The following DLEC1 variants were observed in gnomAD, a reference collection of about 807,000 sequenced individuals.
DLEC1 encodes the protein DLEC1 cilia and flagella associated protein, also known as deleted in lung and esophageal cancer protein 1.
DLEC1 carries 146 observed loss-of-function variants against 198.1 expected under a neutral mutation model. That is an observed-to-expected ratio of 0.74 (90% CI 0.64 to 0.85). The LOEUF is 0.85. DLEC1 is among the 40% of genes least tolerant of loss of function. The pLI is 0.00. For missense variants in DLEC1, 2,233 were observed against 2,220.0 expected, an observed-to-expected ratio of 1.01 and a Z score of -0.12; for synonymous variants, 897 against 866.8, an observed-to-expected ratio of 1.03 and a Z score of -0.61.
At position 38,117,113 on chromosome 3, in the gene DLEC1, G is replaced by A. The variant is rs376700010; in HGVS notation, c.4305+13G>A. On this transcript the variant is annotated intron_variant, in intron 30 of 36. Coordinates refer to ENST00000308059, the MANE Select transcript of DLEC1 (RefSeq NM_007335.4). ...CTTGGACAGCAAGGTGAGCTCTTCC[G>A]GCCTGGGGTGGGGGCCGCAGCCACT... is the stretch of plus-strand genomic sequence containing the variant. 62 of 1,613,812 alleles carry A rather than the reference G, an allele frequency of 3.8e-5. No homozygotes were observed. The highest frequency in any genetic ancestry group is 1.7e-4 in the Admixed American group (10 of 59,996).
At chr3:38,093,295 C>G (rs1284674212) in intron 11 of DLEC1, among the ~76,000 whole-genome samples, 1 of 151,944 alleles carries the variant, frequency 6.6e-6, no homozygotes, top group East Asian at 1.9e-4. Flanking sequence ...GCCCCTCCCT[C>G]TCTTCCTCCC....
At chr3:38,095,414 G>A (rs1384110286) in intron 13 of DLEC1, 14 of 341,122 alleles carry the variant, frequency 4.1e-5, no homozygotes, top group Non-Finnish European at 6.7e-5. Flanking sequence ...GGGACCCGAG[G>A]GCCAGGTTAG....
At chr3:38,083,052 G>T (rs1174212500) in intron 6 of DLEC1, among the ~76,000 whole-genome samples, 1 of 151,822 alleles carries the variant, frequency 6.6e-6, no homozygotes, top group East Asian at 1.9e-4. Context: ...ATTGAAAGGA[G>T]AAAGAGGTTG....
In DLEC1 at chr3:38,112,950, A is replaced by G. The variant is rs1403008953; in HGVS notation, c.3666+589A>G. On this transcript the variant is annotated intron_variant, in intron 25 of 36. Transcript: ENST00000308059. This position sits in a 1 kb window ranked among gnomAD's most constrained non-coding sequence, Gnocchi z 4.8. ...TTAAGTTGTTAAATAGAAGATTTTC[A>G]TGAACTATTTAGTAAATTGAACAGA... is the stretch of plus-strand genomic sequence containing the variant. Among the ~76,000 whole-genome samples the G allele has an allele frequency of 6.6e-6, 1 of 152,236 alleles. No individual in the cohort carries two copies. The highest frequency in any genetic ancestry group is 1.9e-4 in the East Asian group (1 of 5,200).
At chr3:38,081,877 T>G in intron 6 of DLEC1, among the ~76,000 whole-genome samples, 2 of 140,390 alleles carry the variant, frequency 1.4e-5, no homozygotes, top group East Asian at 2.3e-4. Flanking sequence ...ATGGGGCGGC[T>G]GGCCGGGCGG....
At position 38,092,881 on chromosome 3, in the gene DLEC1, G is replaced by A; in HGVS notation, c.1756+1G>A. On this transcript the variant is annotated splice_donor_variant, in intron 11 of 36. Transcript: ENST00000308059. LOFTEE classifies it high-confidence loss of function. The stretch of plus-strand genomic sequence containing the variant: ...CAGATAAAGGAGCTGGTGACCATAG[G>A]TGGGCTTGAGTGTACTCCCAGGGGC... 1 of 1,614,130 alleles carries A rather than the reference G, an allele frequency of 6.2e-7. No homozygotes were observed. Among genetic ancestry groups the A allele is most frequent in the Non-Finnish European group, 8.5e-7 (1 of 1,179,998 alleles).
chr3:38,088,711 G>A (rs1276661752), intron 10 of DLEC1, among the ~76,000 whole-genome samples: 1 of 152,122 alleles, frequency 6.6e-6, no homozygotes, highest in African/African-American at 2.4e-5. Flanking sequence ...TCTCTCTTGG[G>A]TCTTCCCTCC....
Position 38,107,747 on chromosome 3 carries a change from C to T in DLEC1, c.3018+10C>T. The T allele has an allele frequency of 6.2e-7, 1 of 1,612,522 alleles. No individual in the cohort carries two copies. Among genetic ancestry groups the T allele is most frequent in the Non-Finnish European group, 8.5e-7 (1 of 1,179,258 alleles). On this transcript the variant is annotated intron_variant, in intron 20 of 36. Coordinates refer to ENST00000308059, the MANE Select transcript of DLEC1 (RefSeq NM_007335.4). ...GTTCCACTGGGGCAAGGTGAGTGAG[C>T]CCACAGCATCAGGCAGCAGTCTGCA...
chr3:38,102,310 G>A (rs956341710), intron 19 of DLEC1, among the ~76,000 whole-genome samples: 4 of 152,150 alleles, frequency 2.6e-5, no homozygotes, highest in South Asian at 2.1e-4. Flanking sequence ...TCTTGCTCTT[G>A]TGTGGGTCAT....
chr3:38,080,099 C>T (rs1697884612), intron 6 of DLEC1, among the ~76,000 whole-genome samples: 1 of 152,158 alleles, frequency 6.6e-6, no homozygotes, highest in Non-Finnish European at 1.5e-5. Context: ...GATGAAAAAG[C>T]CTAAATGCTG....
In DLEC1 at chr3:38,093,874, G is replaced by A. The variant is rs538864213; in HGVS notation, c.1919+107G>A. 12 of 1,401,106 alleles carry A rather than the reference G, an allele frequency of 8.6e-6. No individual in the cohort carries two copies. The African/African-American group carries it at 1.4e-4, about 17-fold the overall frequency. The allele number at this position is 1,401,106 out of a possible 1,614,324, so 86.8% of individuals were successfully genotyped here. On this transcript the variant is annotated intron_variant, in intron 12 of 36. Coordinates refer to ENST00000308059, the MANE Select transcript of DLEC1 (RefSeq NM_007335.4). ...CTTCCAAGGGCCTGGGGAAGACTGG[G>A]CACAGAATGGATATCCAAATTCAAT...
chr3:38,115,110 G>A (rs1036787484), intron 27 of DLEC1, 57 bp downstream of exon 27: 1 of 1,597,732 alleles, frequency 6.3e-7, no homozygotes, highest in Non-Finnish European at 8.6e-7. Flanking sequence ...CTTGTGGTGA[G>A]CCAGGCTGGG....
intron 6 of DLEC1, 138 bp from the exon 7 acceptor site, chr3:38,084,020 T>C: frequency 2.8e-6 from 2 of 709,242 alleles, no homozygotes; most frequent in Non-Finnish European, 4.7e-6. Context: ...TCAGCCAGCT[T>C]CGACAGTTAC....
intron 6 of DLEC1, among the ~76,000 whole-genome samples, chr3:38,079,779 T>C (rs1296751324): frequency 6.6e-6 from 1 of 152,230 alleles, no homozygotes; most frequent in African/African-American, 2.4e-5. Flanking sequence ...AATGCCTGGC[T>C]GCTGCGGTTC....
rs202209811 is a variant in DLEC1, at chr3:38,045,677, T to C, written c.546T>C (p.Leu182=). ...CTGGAGTACAGGACCTCGAGAGCCTTGTCAGGTTGCCTCCAGGTGTGTATA... is the reference window on the plus strand; with the variant it reads ...CTGGAGTACAGGACCTCGAGAGCCTCGTCAGGTTGCCTCCAGGTGTGTATA... ...SQAGVQDLES[L]VRLPPVKSVS... is the part of the protein sequence containing the mutation. The change falls in exon 2 of 37, where the codon CTT becomes CTC. Residue 182 remains leucine, a synonymous_variant. Transcript: ENST00000308059. 3 of 1,612,564 alleles carry C rather than the reference T, an allele frequency of 1.9e-6. No homozygotes were observed. In the East Asian group the frequency reaches 6.7e-5, roughly 36 times the overall value.
chr3:38,085,251 C>T, intron 7 of DLEC1, 23 bp from the exon 8 acceptor site: 6 of 1,614,002 alleles, frequency 3.7e-6, no homozygotes, highest in Non-Finnish European at 5.1e-6. Flanking sequence ...AGGATCCTCA[C>T]TTGTCACTTT....
chr3:38,061,925 C>T (rs1696708204), intron 3 of DLEC1, among the ~76,000 whole-genome samples: 1 of 152,212 alleles, frequency 6.6e-6, no homozygotes, highest in Admixed American at 6.5e-5. Context: ...GATGCTCCCA[C>T]CTTGGCCTCC....
At chr3:38,098,436 A>T (rs1205369220) in intron 18 of DLEC1, among the ~76,000 whole-genome samples, 1 of 152,232 alleles carries the variant, frequency 6.6e-6, no homozygotes, top group Non-Finnish European at 1.5e-5. Flanking sequence ...TATCATAATC[A>T]TATTTAAATG....
At chr3:38,042,551 G>C (rs1700704113) in intron 1 of DLEC1, among the ~76,000 whole-genome samples, 2 of 119,546 alleles carry the variant, frequency 1.7e-5, no homozygotes, top group Non-Finnish European at 3.6e-5. Flanking sequence ...AATGTTGCTG[G>C]CTTTTTTTTT....
Sources: allele counts gnomAD v4.1 joint callset (sites outside exome capture counted in the v4.1 genomes callset), GRCh38; gene constraint gnomAD v4.1.1; non-coding constraint Gnocchi (gnomAD v3.1); transcripts MANE v1.5; gene names NCBI Gene and HGNC (gene_info 2026-07-23, HGNC 2026-07-21).